Variants in PDZRN4 observed in about 807,000 individuals in gnomAD.
PDZRN4 encodes the protein PDZ domain containing ring finger 4, also known as PDZ domain-containing RING finger protein 4.
Under a neutral mutation model 99.0 loss-of-function variants are expected in PDZRN4, and 70 were observed. That is an observed-to-expected ratio of 0.71 (90% CI 0.58 to 0.86). The LOEUF (loss-of-function observed/expected upper bound fraction) is 0.86, where lower values mean the gene tolerates loss of function less well. Among genes scored for constraint, PDZRN4 ranks in the 40% least tolerant of loss-of-function variants. The pLI is 0.00. For missense variants in PDZRN4, 1,474 were observed against 1,331.2 expected, an observed-to-expected ratio of 1.11 and a Z score of -1.67; for synonymous variants, 551 against 501.6, an observed-to-expected ratio of 1.10 and a Z score of -1.32.
intron 3 of PDZRN4, among the ~76,000 whole-genome samples, chr12:41,429,493 A>G (rs1429699663): frequency 6.6e-6 from 1 of 152,172 alleles, no homozygotes; most frequent in Admixed American, 6.5e-5. Context: ...GGAAATCCTT[A>G]CATCTCAGTG....
chr12:41,296,752 G>A (rs1202851507), intron 3 of PDZRN4, among the ~76,000 whole-genome samples: 1 of 152,100 alleles, frequency 6.6e-6, no homozygotes, highest in African/African-American at 2.4e-5. Context: ...TTGAGCTCAG[G>A]AATTCGAAAC....
chr12:41,395,638 T>G (rs1184798193), intron 3 of PDZRN4, among the ~76,000 whole-genome samples: 2 of 152,192 alleles, frequency 1.3e-5, no homozygotes, highest in African/African-American at 4.8e-5. Flanking sequence ...GGGTCTTTAG[T>G]GACTTATTGG....
At chr12:41,291,096 T>C (rs1387238346) in intron 3 of PDZRN4, among the ~76,000 whole-genome samples, 1 of 152,138 alleles carries the variant, frequency 6.6e-6, no homozygotes, top group Non-Finnish European at 1.5e-5. Context: ...TAAAACACTT[T>C]CAAGATGTCT....
chr12:41,268,570 A>G (rs1951294644), intron 3 of PDZRN4, among the ~76,000 whole-genome samples: 1 of 152,246 alleles, frequency 6.6e-6, no homozygotes, highest in Non-Finnish European at 1.5e-5. Flanking sequence ...TCCAGATACG[A>G]AAAACTTGAC....
intron 5 of PDZRN4, among the ~76,000 whole-genome samples, chr12:41,538,275 A>T (rs1938784056): frequency 6.6e-6 from 1 of 152,188 alleles, no homozygotes; most frequent in African/African-American, 2.4e-5. Flanking sequence ...TTTTCTTTGA[A>T]TACAAGACTT....
At chr12:41,279,352 T>C (rs1402969971) in intron 3 of PDZRN4, among the ~76,000 whole-genome samples, 2 of 152,250 alleles carry the variant, frequency 1.3e-5, no homozygotes, top group Non-Finnish European at 2.9e-5. Flanking sequence ...GCTTTGATTT[T>C]GTTTACATGA....
chr12:41,501,878 T>C (rs1170280299), intron 3 of PDZRN4, among the ~76,000 whole-genome samples: 3 of 152,140 alleles, frequency 2.0e-5, no homozygotes, highest in South Asian at 2.1e-4. Flanking sequence ...ATTTTTCTTC[T>C]AGTTTCCTAT....
rs374354251 is a variant in PDZRN4, at chr12:41,572,665, A to C, written c.1886A>C (p.Gln629Pro). The change falls in exon 10 of 10, where the codon CAG becomes CCG. Residue 629 changes from glutamine (Q) to proline (P), a missense_variant. Coordinates refer to ENST00000402685, the MANE Select transcript of PDZRN4 (RefSeq NM_001164595.2). ...NPDEDCERFR[Q>P]LLELKCKIRN... ...GATGAGGACTGTGAAAGATTCAGGC[A>C]GCTCTTGGAGCTCAAATGCAAGATT... The C allele has an allele frequency of 6.2e-7, 1 of 1,614,194 alleles. No individual in the cohort carries two copies. Among genetic ancestry groups the C allele is most frequent in the Non-Finnish European group, 8.5e-7 (1 of 1,180,018 alleles).
At chr12:41,307,594 A>T (rs1305766953) in intron 3 of PDZRN4, among the ~76,000 whole-genome samples, 2 of 139,446 alleles carry the variant, frequency 1.4e-5, no homozygotes, top group African/African-American at 5.4e-5. Flanking sequence ...ATGAAGAAGG[A>T]ACTTTGGAGA....
chr12:41,492,941 T>C (rs1468533182), intron 3 of PDZRN4, among the ~76,000 whole-genome samples: 3 of 152,180 alleles, frequency 2.0e-5, no homozygotes, highest in Admixed American at 6.6e-5. Flanking sequence ...ATTCTGGAAA[T>C]TATACATTCT....
Position 41,214,430 on chromosome 12 carries a change from T to TAAAAAAAAAAAAAAAAAAA in PDZRN4, c.843+20244_843+20262dup, listed in dbSNP as rs536246838. Among the ~76,000 whole-genome samples, 45 of 34,066 alleles carry TAAAAAAAAAAAAAAAAAAA rather than the reference T, an allele frequency of 1.3e-3. 5 individuals are homozygous for TAAAAAAAAAAAAAAAAAAA. Among genetic ancestry groups the TAAAAAAAAAAAAAAAAAAA allele is most frequent in the East Asian group, 2.3e-3 (2 of 874 alleles). The allele number at this position is 34,066 out of a possible 152,430, so 22.3% of individuals were successfully genotyped here. A position where few individuals can be genotyped will look rare whatever the true frequency, so the allele number is the denominator to read the frequency against. ...GGCAATAGAAGGAGACCCTGTCCCC[T>TAAAAAAAAAAAAAAAAAAA]AAAAAAAAAAAAAAAAAAAAGTTAT... On this transcript the variant is annotated intron_variant, in intron 3 of 9. Transcript: ENST00000402685.
chr12:41,211,580 A>C (rs1389175160), intron 3 of PDZRN4, among the ~76,000 whole-genome samples: 2 of 151,982 alleles, frequency 1.3e-5, no homozygotes, highest in East Asian at 1.9e-4. Flanking sequence ...GATCTTAATC[A>C]GAAAACTATT....
chr12:41,371,410 A>G (rs535881913), intron 3 of PDZRN4, among the ~76,000 whole-genome samples: 12 of 151,872 alleles, frequency 7.9e-5, no homozygotes, highest in Non-Finnish European at 1.8e-4. Flanking sequence ...TGCTATTCTG[A>G]GTCAGTGATT....
intron 3 of PDZRN4, among the ~76,000 whole-genome samples, chr12:41,463,536 T>C (rs932859030): frequency 1.1e-4 from 17 of 152,024 alleles, no homozygotes; most frequent in Non-Finnish European, 2.1e-4. Context: ...GGATATAAAA[T>C]AATATAATCT....
intron 5 of PDZRN4, among the ~76,000 whole-genome samples, chr12:41,545,435 A>G (rs555540442): frequency 8.5e-5 from 13 of 152,138 alleles, no homozygotes; most frequent in Admixed American, 2.6e-4. Context: ...GGATTCTTCC[A>G]GTAGCCCCCA....
intron 5 of PDZRN4, among the ~76,000 whole-genome samples, chr12:41,516,155 C>A (rs1024351566): frequency 3.9e-5 from 6 of 152,030 alleles, no homozygotes; most frequent in African/African-American, 1.4e-4. Flanking sequence ...CGCAATCTTT[C>A]CCACCACTGA....
At chr12:41,537,391 C>A (rs1412377858) in intron 5 of PDZRN4, among the ~76,000 whole-genome samples, 1 of 152,132 alleles carries the variant, frequency 6.6e-6, no homozygotes, top group Admixed American at 6.6e-5. Flanking sequence ...ACTCATAGTT[C>A]ACTAAATCTT....
chr12:41,326,518 G>A (rs2120983254), intron 3 of PDZRN4, among the ~76,000 whole-genome samples: 1 of 152,282 alleles, frequency 6.6e-6, no homozygotes, highest in Non-Finnish European at 1.5e-5. Context: ...GAGTCACAGA[G>A]CAAGGTTGAA....
chr12:41,328,926 C>A (rs1243516971), intron 3 of PDZRN4, among the ~76,000 whole-genome samples: 1 of 152,098 alleles, frequency 6.6e-6, no homozygotes, highest in Non-Finnish European at 1.5e-5. Context: ...ATCAACAGTA[C>A]TCCAGGAAGC....
Sources: allele counts gnomAD v4.1 joint callset (sites outside exome capture counted in the v4.1 genomes callset), GRCh38; gene constraint gnomAD v4.1.1; transcripts MANE v1.5; gene names NCBI Gene and HGNC (gene_info 2026-07-23, HGNC 2026-07-21).